The following RPS6KC1 variants were observed in gnomAD, a reference collection of about 807,000 sequenced individuals.
RPS6KC1 encodes the protein ribosomal protein S6 kinase C1.
RPS6KC1 carries 54 observed loss-of-function variants against 103.8 expected under a neutral mutation model. The observed-to-expected ratio is 0.52, with a 90% CI of 0.42 to 0.65. The LOEUF (loss-of-function observed/expected upper bound fraction) is 0.65. RPS6KC1 is among the 30% of genes least tolerant of loss of function. RPS6KC1 has a pLI of 0.00. For missense variants in RPS6KC1, 1,151 were observed against 1,253.8 expected, an observed-to-expected ratio of 0.92 and a Z score of 1.24; for synonymous variants, 439 against 438.7, an observed-to-expected ratio of 1.00 and a Z score of -0.01.
At chr1:213,520,561 TCTTTCTTTC>T in the RPS6KC1 span, among the ~76,000 whole-genome samples, 1 of 152,144 alleles carries the variant, frequency 6.6e-6, no homozygotes, top group Non-Finnish European at 1.5e-5. Context: ...AGGGCTCTTT[TCTTTCTTTC>T]CTTTCTCCCT....
intron 1 of RPS6KC1, among the ~76,000 whole-genome samples, chr1:213,066,103 A>G (rs1044148367): frequency 6.6e-6 from 1 of 152,250 alleles, no homozygotes; most frequent in African/African-American, 2.4e-5. Context: ...ATGTAAATGT[A>G]CAGAGTCAAA....
chr1:213,555,709 C>T, the RPS6KC1 span, among the ~76,000 whole-genome samples: 8 of 152,212 alleles, frequency 5.3e-5, no homozygotes, highest in Non-Finnish European at 1.2e-4. Context: ...TACTCTTAAG[C>T]ATATTTAGAA....
At chr1:213,279,216 T>A (rs989230715), downstream of RPS6KC1, among the ~76,000 whole-genome samples, 2 of 152,146 alleles carry the variant, frequency 1.3e-5, no homozygotes, top group African/African-American at 4.8e-5. Flanking sequence ...GAAAGCAGTT[T>A]GGAGTTATTG....
the RPS6KC1 span, among the ~76,000 whole-genome samples, chr1:213,508,542 G>A: frequency 6.6e-5 from 10 of 152,192 alleles, no homozygotes; most frequent in Non-Finnish European, 1.5e-4. Flanking sequence ...GTGTGTGTGT[G>A]TGTATGTGTG....
At chr1:213,854,556 C>CTTTCTTTCTTTCTT in the RPS6KC1 span, among the ~76,000 whole-genome samples, 1 of 107,322 alleles carries the variant, frequency 9.3e-6, no homozygotes, top group African/African-American at 4.8e-5. Context: ...TTCTTTCTTT[C>CTTTCTTTCTTTCTT]TTTCTTTCTC....
At chr1:213,577,428 A>G in the RPS6KC1 span, among the ~76,000 whole-genome samples, 6 of 152,242 alleles carry the variant, frequency 3.9e-5, no homozygotes, top group East Asian at 1.2e-3. Flanking sequence ...AAAGTGGGAT[A>G]CTGCTAAACA....
Position 213,099,512 on chromosome 1 carries a change from GT to G in RPS6KC1, c.263-4939del, listed in dbSNP as rs542133947. 3.4e-4 allele frequency among the ~76,000 whole-genome samples: 51 copies of G among 152,122 alleles called. No homozygotes were observed. The East Asian group carries it at 8.3e-3, about 25-fold the overall frequency. On this transcript the variant is annotated intron_variant, in intron 3 of 14. Coordinates refer to ENST00000366960, the MANE Select transcript of RPS6KC1 (RefSeq NM_012424.6). ...AGAGTTCAGTATTTGTTTACATTTTGTTTAGATAAGTTTACACACAGTTAAA... is the reference window on the plus strand; with the variant it reads ...AGAGTTCAGTATTTGTTTACATTTTGTTAGATAAGTTTACACACAGTTAAA...
intron 8 of RPS6KC1, among the ~76,000 whole-genome samples, chr1:213,192,743 A>T (rs996551614): frequency 2.6e-5 from 4 of 151,730 alleles, no homozygotes; most frequent in African/African-American, 4.8e-5. Flanking sequence ...TCTTTTAATT[A>T]TGGGTTTGGT....
At chr1:213,768,566 G>A in the RPS6KC1 span, among the ~76,000 whole-genome samples, 1 of 152,208 alleles carries the variant, frequency 6.6e-6, no homozygotes, top group African/African-American at 2.4e-5. Context: ...TTCCTTCACA[G>A]CAACTTTTAA....
rs989025322 is a variant in RPS6KC1, at chr1:213,218,712, C to T, written c.1045-11785C>T. 9.1e-4 allele frequency among the ~76,000 whole-genome samples: 138 copies of T among 152,156 alleles called. 1 individual carries two copies. The highest frequency in any genetic ancestry group is 3.3e-3 in the African/African-American group (137 of 41,504). ...AACAGAACAGAGCCCTCAGAAATAACGCCGCATATCTACAACTATCTGATC... is the reference window on the plus strand; with the variant it reads ...AACAGAACAGAGCCCTCAGAAATAATGCCGCATATCTACAACTATCTGATC... On this transcript the variant is annotated intron_variant, in intron 8 of 14. Transcript: ENST00000366960.
intron 8 of RPS6KC1, among the ~76,000 whole-genome samples, chr1:213,222,333 A>G (rs1315694135): frequency 6.6e-6 from 1 of 152,172 alleles, no homozygotes; most frequent in Non-Finnish European, 1.5e-5. Flanking sequence ...ATAGCTGAAA[A>G]TATCTTGTAG....
intron 2 of RPS6KC1, among the ~76,000 whole-genome samples, chr1:213,074,843 ATT>A (rs752747801): frequency 0.016 from 1,137 of 71,120 alleles, 14 homozygotes; most frequent in African/African-American, 0.064. Context: ...ACTAGAATAA[ATT>A]TTTTTTTTTT....
At chr1:213,476,702 A>T in the RPS6KC1 span, among the ~76,000 whole-genome samples, 1 of 152,158 alleles carries the variant, frequency 6.6e-6, no homozygotes, top group South Asian at 2.1e-4. Flanking sequence ...TGCAGAGAGG[A>T]CTTCTATGGT....
At chr1:213,282,097 C>T in the RPS6KC1 span, among the ~76,000 whole-genome samples, 9 of 152,322 alleles carry the variant, frequency 5.9e-5, no homozygotes, top group Admixed American at 3.3e-4. Flanking sequence ...GGCTTATTGG[C>T]AAGCATTGCC....
At chr1:213,428,911 C>A in the RPS6KC1 span, 2 of 156,038 alleles carry the variant, frequency 1.3e-5, no homozygotes, top group South Asian at 3.6e-4. Flanking sequence ...ATTCCCATCT[C>A]TTTCATGGCA....
chr1:213,610,615 T>G, the RPS6KC1 span, among the ~76,000 whole-genome samples: 1 of 152,208 alleles, frequency 6.6e-6, no homozygotes, highest in Non-Finnish European at 1.5e-5. Flanking sequence ...TAATTTGGCT[T>G]GTGACCTTGA....
At chr1:213,287,232 A>ATGTGTGTGTGTGTGTG in the RPS6KC1 span, among the ~76,000 whole-genome samples, 4 of 146,732 alleles carry the variant, frequency 2.7e-5, no homozygotes, top group African/African-American at 1.0e-4. Context: ...TGCCTATACA[A>ATGTGTGTGTGTGTGTG]TGTGTGTGTG....
chr1:213,659,588 A>G, the RPS6KC1 span, among the ~76,000 whole-genome samples: 1 of 152,114 alleles, frequency 6.6e-6, no homozygotes, highest in South Asian at 2.1e-4. Flanking sequence ...TTTAAATTCA[A>G]ATCAAAACTA....
chr1:213,217,640 T>A (rs1304297521), intron 8 of RPS6KC1, among the ~76,000 whole-genome samples: 1 of 152,154 alleles, frequency 6.6e-6, no homozygotes. Context: ...ACTGGCAAAC[T>A]GAATCCAGCA....
Sources: gnomAD v4.1 joint callset for allele counts (sites outside exome capture counted in the v4.1 genomes callset) on GRCh38, gnomAD v4.1.1 for gene constraint, MANE v1.5 for transcripts, NCBI Gene and HGNC (gene_info 2026-07-23, HGNC 2026-07-21) for gene names.